Variants in MERTK observed in about 807,000 individuals in gnomAD.
MERTK encodes the protein MER proto-oncogene, tyrosine kinase, also known as tyrosine-protein kinase Mer.
In MERTK, 69 loss-of-function variants were observed where a neutral mutation model predicts 99.3. The observed-to-expected ratio is 0.70, with a 90% CI of 0.57 to 0.85. The LOEUF is 0.85. MERTK is among the 40% of genes least tolerant of loss of function. The pLI, the probability that MERTK is intolerant of heterozygous loss-of-function variation, is 0.00. For missense variants in MERTK, 1,125 were observed against 1,249.4 expected (o/e 0.90, Z 1.50); for synonymous variants, 426 against 467.6 (o/e 0.91, Z 1.15).
At chr2:111,924,305 T>C (rs1461383348) in intron 1 of MERTK, among the ~76,000 whole-genome samples, 2 of 152,182 alleles carry the variant, frequency 1.3e-5, no homozygotes, top group African/African-American at 4.8e-5. Context: ...ATCCCCACTT[T>C]CCCTGTGAGC....
chr2:111,934,162 G>GA (rs2104691843), intron 2 of MERTK, among the ~76,000 whole-genome samples: 1 of 152,200 alleles, frequency 6.6e-6, no homozygotes, highest in African/African-American at 2.4e-5. Flanking sequence ...TTGCTATTGA[G>GA]AATGATGCTG....
chr2:112,023,352 T>C (rs1677397148), intron 18 of MERTK, among the ~76,000 whole-genome samples: 1 of 151,916 alleles, frequency 6.6e-6, no homozygotes, highest in Non-Finnish European at 1.5e-5. Context: ...AGGCGGAGCT[T>C]GCGGTGAGCT....
Position 111,922,251 on chromosome 2 carries a change from G to A in MERTK, c.62-6869G>A, listed in dbSNP as rs186840443. On this transcript the variant is annotated intron_variant, in intron 1 of 18. Coordinates refer to ENST00000295408, the MANE Select transcript of MERTK (RefSeq NM_006343.3). ...GCCACATCCCCACCCACTATCATGG[G>A]ACCTGCAATTTCAGTTGCTGCTGCT... 1.4e-3 allele frequency among the ~76,000 whole-genome samples: 214 copies of A among 152,262 alleles called. 1 individual carries two copies. The highest frequency in any genetic ancestry group is 4.6e-3 in the African/African-American group (191 of 41,560).
chr2:111,934,996 T>C (rs1167798576), intron 2 of MERTK, among the ~76,000 whole-genome samples: 2 of 152,180 alleles, frequency 1.3e-5, no homozygotes, highest in African/African-American at 4.8e-5. Context: ...TTACACCCTC[T>C]TTCCCGTAGT....
chr2:111,928,999 A>G, intron 1 of MERTK, 121 bp from the exon 2 acceptor site: 1 of 967,200 alleles, frequency 1.0e-6, no homozygotes, highest in Non-Finnish European at 1.6e-6. Flanking sequence ...AATTCTGCTT[A>G]TCTTTTCCTG....
chr2:111,951,555 A>AT (rs367911936), intron 4 of MERTK, among the ~76,000 whole-genome samples: 13,849 of 113,074 alleles, frequency 0.12, 1,492 homozygotes, highest in South Asian at 0.17. Flanking sequence ...ATATACCATA[A>AT]TTTTTTAATC....
intron 4 of MERTK, 38 bp downstream of exon 4, chr2:111,947,605 A>G: frequency 4.3e-6 from 7 of 1,611,696 alleles, no homozygotes; most frequent in Non-Finnish European, 5.9e-6. Flanking sequence ...TTATTCTCTA[A>G]TAGCGGACAG....
At chr2:111,975,576 T>G (rs1347273668) in intron 7 of MERTK, 104 bp downstream of exon 7, 1 of 1,281,334 alleles carries the variant, frequency 7.8e-7, no homozygotes, top group African/African-American at 1.5e-5. Context: ...TTGTTTGGAC[T>G]TTGTCTCTGG....
intron 1 of MERTK, among the ~76,000 whole-genome samples, chr2:111,914,522 A>G (rs1475576335): frequency 6.6e-6 from 1 of 152,092 alleles, no homozygotes; most frequent in Non-Finnish European, 1.5e-5. Flanking sequence ...CAGGTGATCT[A>G]CCTGCCTTGG....
chr2:111,947,292 A>G (rs1376624349), intron 3 of MERTK, 102 bp from the exon 4 acceptor site: 5 of 1,135,508 alleles, frequency 4.4e-6, no homozygotes, highest in Non-Finnish European at 6.4e-6. Context: ...CCCACAAAAA[A>G]AGAAATCTAT....
In MERTK at chr2:112,011,310, T is replaced by C. The variant is rs1382917890; in HGVS notation, c.2079+1244T>C. Among the ~76,000 whole-genome samples the C allele has an allele frequency of 3.9e-5, 6 of 152,076 alleles. No individual in the cohort carries two copies. The East Asian group carries it at 1.2e-3, about 29-fold the overall frequency. ...TCTGCAGACAAAACACAGGGGAAAA[T>C]GTCCCATGCAGCACCAGTGTGGTGG... is the stretch of plus-strand genomic sequence containing the variant. On this transcript the variant is annotated intron_variant, in intron 15 of 18. Transcript: ENST00000295408.
At chr2:112,020,675 A>G (rs777166090) in intron 16 of MERTK, 2 of 470,844 alleles carry the variant, frequency 4.2e-6, no homozygotes, top group South Asian at 3.1e-5. Context: ...ATCTTCCCCA[A>G]ACTCTCAGGG....
chr2:112,004,237 C>T (rs1377521118), intron 13 of MERTK, among the ~76,000 whole-genome samples: 4 of 152,142 alleles, frequency 2.6e-5, no homozygotes, highest in Non-Finnish European at 4.4e-5. Context: ...CTGTCTTGCT[C>T]TCTCTCCTTC....
intron 11 of MERTK, among the ~76,000 whole-genome samples, chr2:112,002,855 C>G (rs1676897163): frequency 6.6e-6 from 1 of 152,110 alleles, no homozygotes; most frequent in African/African-American, 2.4e-5. Context: ...TGCCTGCAGT[C>G]CCAGCTACTT....
intron 7 of MERTK, 106 bp downstream of exon 7, chr2:111,975,578 T>G (rs770630718): frequency 2.7e-5 from 34 of 1,255,180 alleles, no homozygotes; most frequent in Middle Eastern, 2.6e-4. Flanking sequence ...GTTTGGACTT[T>G]GTCTCTGGAG....
chr2:111,916,757 T>A (rs1558770204), intron 1 of MERTK, among the ~76,000 whole-genome samples: 1 of 152,106 alleles, frequency 6.6e-6, no homozygotes, highest in African/African-American at 2.4e-5. Context: ...TTTATTTATT[T>A]TTTTGGCACA....
chr2:111,977,511 A>G (rs527710074), intron 7 of MERTK, among the ~76,000 whole-genome samples: 1 of 152,252 alleles, frequency 6.6e-6, no homozygotes, highest in Admixed American at 6.5e-5. Flanking sequence ...GAGCAATTGA[A>G]TTGTGACAGG....
At chr2:111,936,732 C>G (rs1684770769) in intron 2 of MERTK, among the ~76,000 whole-genome samples, 1 of 152,288 alleles carries the variant, frequency 6.6e-6, no homozygotes, top group Middle Eastern at 3.4e-3. Context: ...GCTGTAGCCA[C>G]TAACCTGCCT....
At chr2:111,941,992 G>A (rs577639559) in intron 2 of MERTK, among the ~76,000 whole-genome samples, 30 of 152,208 alleles carry the variant, frequency 2.0e-4, no homozygotes, top group African/African-American at 5.1e-4. Context: ...ATAGTTTCTC[G>A]GCTTCTGGGG....
Sources: allele counts gnomAD v4.1 joint callset (sites outside exome capture counted in the v4.1 genomes callset), GRCh38; gene constraint gnomAD v4.1.1; transcripts MANE v1.5; gene names NCBI Gene and HGNC (gene_info 2026-07-23, HGNC 2026-07-21).